The following PDZD2 variants were observed in gnomAD, a reference collection of about 807,000 sequenced individuals.
PDZD2 encodes PDZ domain containing 2, also known as PDZ domain-containing protein 2.
In PDZD2, 90 loss-of-function variants were observed where a neutral mutation model predicts 220.7. The ratio of observed to expected loss-of-function variants is 0.41; its 90% CI spans 0.34 to 0.49. The LOEUF (loss-of-function observed/expected upper bound fraction) is 0.49. Ranked by LOEUF, PDZD2 falls within the 20% of genes least tolerant of loss-of-function variation. The pLI is 0.28. For missense variants in PDZD2, 3,174 were observed against 3,608.5 expected (o/e 0.88, Z 3.08); for synonymous variants, 1,375 against 1,450.5 (o/e 0.95, Z 1.18).
intron 2 of PDZD2, among the ~76,000 whole-genome samples, chr5:31,872,898 T>C (rs1184958460): frequency 1.3e-5 from 2 of 152,200 alleles, no homozygotes; most frequent in East Asian, 1.9e-4. Flanking sequence ...AACCTGCTAA[T>C]GGCACTTGAT....
At chr5:31,729,097 A>ATTT (rs769219255) in intron 1 of PDZD2, among the ~76,000 whole-genome samples, 2 of 82,566 alleles carry the variant, frequency 2.4e-5, no homozygotes, top group African/African-American at 1.0e-4. Context: ...AGTGATCGAA[A>ATTT]TCTTTTTTTT....
In PDZD2 at chr5:32,087,558, T is replaced by C. The variant is rs376669766; in HGVS notation, c.4110T>C (p.Pro1370=). 75 of 1,613,718 alleles carry C rather than the reference T, an allele frequency of 4.6e-5. No individual in the cohort carries two copies. The highest frequency in any genetic ancestry group is 5.8e-5 in the Non-Finnish European group (69 of 1,179,844). ...TGGAAATGACAGGAATCCATGCACC[T>C]GAAAGCTCCCAGGAGCCTTCCCTGC... The part of the protein sequence containing the change: ...KALEMTGIHA[P]ESSQEPSLLE... The change falls in exon 20 of 25, where the codon CCT becomes CCC. Residue 1370 remains proline (P), a synonymous_variant. Coordinates refer to ENST00000438447, the MANE Select transcript of PDZD2 (RefSeq NM_178140.4). This position sits in a 1 kb window ranked among gnomAD's most constrained non-coding sequence, Gnocchi z 4.0.
chr5:32,018,432 G>A (rs1368157731), intron 6 of PDZD2, among the ~76,000 whole-genome samples: 2 of 152,232 alleles, frequency 1.3e-5, no homozygotes, highest in Non-Finnish European at 2.9e-5. Context: ...GACAGAGGGA[G>A]TGAGGCCAAG....
intron 1 of PDZD2, among the ~76,000 whole-genome samples, chr5:31,779,373 CTTTT>C (rs58290929): frequency 1.9e-5 from 2 of 106,666 alleles, no homozygotes; most frequent in Admixed American, 1.1e-4. Context: ...TTGTGAATCT[CTTTT>C]TTTTTTTTTT....
intron 1 of PDZD2, among the ~76,000 whole-genome samples, chr5:31,737,931 T>C (rs1037733797): frequency 1.3e-5 from 2 of 152,188 alleles, no homozygotes; most frequent in Non-Finnish European, 2.9e-5. Context: ...GCCCTACTTT[T>C]CTGATGAGGA....
rs1253964377 is a variant in PDZD2, at chr5:31,995,764, C to G, written c.1121+46C>G. On this transcript the variant is annotated intron_variant, in intron 4 of 24. Coordinates refer to ENST00000438447, the MANE Select transcript of PDZD2 (RefSeq NM_178140.4). ...TCTCCCCCATCCCTCTGCCTCCTCTCCTTCCCTCTCCCTCCCCACTGGTGC... is the reference window on the plus strand; with the variant it reads ...TCTCCCCCATCCCTCTGCCTCCTCTGCTTCCCTCTCCCTCCCCACTGGTGC... 2.6e-6 allele frequency: 4 copies of G among 1,541,168 alleles called. No homozygotes were observed. The African/African-American group carries it at 5.4e-5, about 21-fold the overall frequency.
At chr5:31,692,069 G>A (rs1000536200) in intron 1 of PDZD2, among the ~76,000 whole-genome samples, 5 of 152,222 alleles carry the variant, frequency 3.3e-5, no homozygotes, top group African/African-American at 1.2e-4. Flanking sequence ...ACGGGGTGGC[G>A]CTCATTGGGG....
intron 2 of PDZD2, among the ~76,000 whole-genome samples, chr5:31,952,828 G>C (rs1403636889): frequency 6.6e-6 from 1 of 152,154 alleles, no homozygotes; most frequent in East Asian, 1.9e-4. Flanking sequence ...GGGAGGCCAA[G>C]GCAGGTGGAT....
chr5:32,037,186 G>A (rs1483500256), intron 6 of PDZD2, 45 bp from the exon 7 acceptor site: 7 of 1,226,872 alleles, frequency 5.7e-6, no homozygotes, highest in South Asian at 2.4e-5. Context: ...ATAAGTCATC[G>A]CAGGGCTGGG....
rs190274858 is a variant in PDZD2, at chr5:31,729,209, T to G, written c.-360-69680T>G. Among the ~76,000 whole-genome samples the G allele has an allele frequency of 2.6e-3, 391 of 150,272 alleles. 6 individuals are homozygous for G. Among genetic ancestry groups the G allele is most frequent in the Admixed American group, 0.023 (342 of 14,800 alleles). On this transcript the variant is annotated intron_variant, in intron 1 of 24. Coordinates refer to ENST00000438447, the MANE Select transcript of PDZD2 (RefSeq NM_178140.4). ...ACCTCCGCCTCCTGGATTCAGGCAG[T>G]TCTTAGCCTCCCGAGTAGCTGGGAT...
intron 2 of PDZD2, among the ~76,000 whole-genome samples, chr5:31,835,571 C>T (rs796849953): frequency 2.0e-5 from 3 of 151,190 alleles, no homozygotes; most frequent in African/African-American, 7.3e-5. Context: ...GAGCCAAGAT[C>T]GCGCCACTGC....
chr5:31,918,555 A>G (rs536802333), intron 2 of PDZD2, among the ~76,000 whole-genome samples: 1 of 152,304 alleles, frequency 6.6e-6, no homozygotes, highest in South Asian at 2.1e-4. Context: ...CTCAGGGATA[A>G]CCTTTCTTTT....
chr5:31,715,025 C>CTCCA (rs1289499680), intron 1 of PDZD2, among the ~76,000 whole-genome samples: 16 of 147,782 alleles, frequency 1.1e-4, no homozygotes, highest in Non-Finnish European at 1.9e-4. Flanking sequence ...CGCCACTGCA[C>CTCCA]TCCAGCCTAG....
intron 5 of PDZD2, among the ~76,000 whole-genome samples, chr5:32,008,940 GGGC>G (rs1753069885): frequency 6.6e-6 from 1 of 152,150 alleles, no homozygotes; most frequent in Non-Finnish European, 1.5e-5. Flanking sequence ...AAAAGGCAGT[GGGC>G]AAGGAAGAGT....
intron 2 of PDZD2, among the ~76,000 whole-genome samples, chr5:31,874,666 C>G (rs1739144825): frequency 6.6e-6 from 1 of 150,878 alleles, no homozygotes; most frequent in Non-Finnish European, 1.5e-5. Context: ...AAGGCTGAGG[C>G]AGGAGAATTG....
intron 4 of PDZD2, among the ~76,000 whole-genome samples, chr5:31,995,919 A>G (rs1490463965): frequency 6.6e-6 from 1 of 152,240 alleles, no homozygotes; most frequent in Non-Finnish European, 1.5e-5. Flanking sequence ...GGCTAACTGC[A>G]GAAGATATTG....
chr5:31,681,146 T>G (rs1343924994), intron 1 of PDZD2, among the ~76,000 whole-genome samples: 1 of 152,222 alleles, frequency 6.6e-6, no homozygotes, highest in Non-Finnish European at 1.5e-5. Context: ...GGCTGCAACT[T>G]GGATGGAAAA....
At chr5:32,039,093 T>TCTCTCCAC (rs1755800085) in intron 7 of PDZD2, among the ~76,000 whole-genome samples, 1 of 150,642 alleles carries the variant, frequency 6.6e-6, no homozygotes, top group African/African-American at 2.4e-5. Flanking sequence ...AAACATCCTC[T>TCTCTCCAC]CTCTCCCCCT....
At chr5:32,082,954 C>T (rs757853357) in intron 19 of PDZD2, among the ~76,000 whole-genome samples, 99 of 152,192 alleles carry the variant, frequency 6.5e-4, no homozygotes, top group Non-Finnish European at 1.1e-3. Flanking sequence ...GAAACTGAAG[C>T]AGTGTGGGGA....
Sources: gnomAD v4.1 joint callset for allele counts (sites outside exome capture counted in the v4.1 genomes callset) on GRCh38, gnomAD v4.1.1 for gene constraint, Gnocchi (gnomAD v3.1) non-coding constraint, MANE v1.5 for transcripts, NCBI Gene and HGNC (gene_info 2026-07-23, HGNC 2026-07-21) for gene names.